The following COL25A1 variants were observed in gnomAD, a reference collection of about 807,000 sequenced individuals.
COL25A1 encodes collagen type XXV alpha 1 chain.
In COL25A1, 103 loss-of-function variants were observed where a neutral mutation model predicts 128.4. That is an observed-to-expected ratio of 0.80 (90% CI 0.68 to 0.94). The LOEUF (loss-of-function observed/expected upper bound fraction) is 0.94, where lower values mean the gene tolerates loss of function less well. Ranked by LOEUF, COL25A1 falls within the 40% of genes least tolerant of loss-of-function variation. COL25A1 has a pLI of 0.00. For synonymous variants in COL25A1, 279 were observed against 277.2 expected, an observed-to-expected ratio of 1.01 and a Z score of -0.06; for missense variants, 745 against 840.0, an observed-to-expected ratio of 0.89 and a Z score of 1.40.
At position 109,167,910 on chromosome 4, in the gene COL25A1, G is replaced by A. The variant is rs577766657; in HGVS notation, c.368-117731C>T. Among the ~76,000 whole-genome samples the A allele has an allele frequency of 3.9e-4, 60 of 152,186 alleles. No individual in the cohort carries two copies. In the Middle Eastern group the frequency reaches 0.014, roughly 35 times the overall value. Reference sequence around the variant, plus strand: ...AGGTGGGCCAATTAATGATTTCATGGAACTAGAGAAACAATTTTGTCAAAA... The same window carrying A: ...AGGTGGGCCAATTAATGATTTCATGAAACTAGAGAAACAATTTTGTCAAAA... On this transcript the variant is annotated intron_variant, in intron 3 of 37. Coordinates refer to ENST00000399132, the MANE Select transcript of COL25A1 (RefSeq NM_198721.4).
chr4:109,024,991 C>T (rs903798189), intron 5 of COL25A1, among the ~76,000 whole-genome samples: 2 of 152,176 alleles, frequency 1.3e-5, no homozygotes, highest in African/African-American at 4.8e-5. Context: ...CTGGGGATCC[C>T]TGCTAGGCAT....
chr4:109,087,137 G>A (rs1221885748), intron 3 of COL25A1, among the ~76,000 whole-genome samples: 2 of 152,050 alleles, frequency 1.3e-5, no homozygotes, highest in Non-Finnish European at 1.5e-5. Context: ...CAAGAAGATA[G>A]GAGAGAAGCA....
At chr4:109,141,401 T>TAAAAAAAAGACAAAA (rs1491259799) in intron 3 of COL25A1, among the ~76,000 whole-genome samples, 235 of 152,288 alleles carry the variant, frequency 1.5e-3, no homozygotes, top group African/African-American at 5.3e-3. Context: ...TTCCTTTTTT[T>TAAAAAAAAGACAAAA]GTGTGTGTCT....
intron 6 of COL25A1, among the ~76,000 whole-genome samples, chr4:108,977,632 C>A (rs549715181): frequency 6.6e-6 from 1 of 152,106 alleles, no homozygotes; most frequent in South Asian, 2.1e-4. Flanking sequence ...AACTTTATTT[C>A]GATTTTTACA....
intron 3 of COL25A1, among the ~76,000 whole-genome samples, chr4:109,058,831 C>T (rs1268032404): frequency 2.0e-5 from 3 of 152,132 alleles, no homozygotes; most frequent in Non-Finnish European, 4.4e-5. Flanking sequence ...AAAATTTCCA[C>T]CCAGTAGTAA....
intron 3 of COL25A1, among the ~76,000 whole-genome samples, chr4:109,113,934 A>T (rs1767279307): frequency 6.6e-6 from 1 of 152,142 alleles, no homozygotes; most frequent in Non-Finnish European, 1.5e-5. Flanking sequence ...AGATGAAAAA[A>T]CAAATCTTAA....
chr4:109,253,945 G>T (rs1001959375), intron 3 of COL25A1, among the ~76,000 whole-genome samples: 1 of 151,942 alleles, frequency 6.6e-6, no homozygotes, highest in Non-Finnish European at 1.5e-5. Context: ...AAATTATCCC[G>T]GTGCGGTGGC....
At chr4:109,192,213 A>C (rs1261404116) in intron 3 of COL25A1, among the ~76,000 whole-genome samples, 1 of 152,234 alleles carries the variant, frequency 6.6e-6, no homozygotes, top group East Asian at 1.9e-4. Context: ...ATGACCATAT[A>C]TGTTAAGCTA....
chr4:108,910,388 A>G (rs1157547464), intron 13 of COL25A1, among the ~76,000 whole-genome samples: 1 of 152,232 alleles, frequency 6.6e-6, no homozygotes, highest in Non-Finnish European at 1.5e-5. Context: ...TAATGCCTCC[A>G]ATTCAAAGAG....
intron 37 of COL25A1, among the ~76,000 whole-genome samples, chr4:108,815,406 G>A (rs557588799): frequency 6.6e-5 from 10 of 152,232 alleles, no homozygotes; most frequent in Admixed American, 5.9e-4. Context: ...ACTATTCAAT[G>A]TAACAGCTAA....
chr4:109,126,984 T>C (rs576936073), intron 3 of COL25A1, among the ~76,000 whole-genome samples: 3 of 152,282 alleles, frequency 2.0e-5, no homozygotes, highest in South Asian at 2.1e-4. Flanking sequence ...TCCTAACTTA[T>C]GTTTTTCATT....
rs776941019 is a variant in COL25A1, at chr4:109,057,421, A to ATTTTTTTTTTTTTTT, written c.368-7257_368-7243dup. Among the ~76,000 whole-genome samples the ATTTTTTTTTTTTTTT allele has an allele frequency of 6.0e-3, 122 of 20,248 alleles. 11 individuals are homozygous for ATTTTTTTTTTTTTTT. Among genetic ancestry groups the ATTTTTTTTTTTTTTT allele is most frequent in the South Asian group, 0.018 (2 of 114 alleles). 13.3% of individuals were successfully genotyped at this position (20,248 alleles called of 152,430 possible). ...TAGCTGGGACCACCATGCCTAGCTA[A>ATTTTTTTTTTTTTTT]TTTTTTTTTTTTTTTTTTTTTTTTT... On this transcript the variant is annotated intron_variant, in intron 3 of 37. Coordinates refer to ENST00000399132, the MANE Select transcript of COL25A1 (RefSeq NM_198721.4).
At chr4:109,238,983 G>A (rs970383161) in intron 3 of COL25A1, among the ~76,000 whole-genome samples, 6 of 151,998 alleles carry the variant, frequency 3.9e-5, no homozygotes, top group African/African-American at 9.7e-5. Flanking sequence ...TCATCAACCC[G>A]AGGGGAACCC....
chr4:109,260,128 C>CAGT (rs1781341097), intron 3 of COL25A1, among the ~76,000 whole-genome samples: 1 of 152,160 alleles, frequency 6.6e-6, no homozygotes, highest in African/African-American at 2.4e-5. Context: ...ACAAAGCTGC[C>CAGT]TCCATTTTCT....
chr4:109,107,961 T>C (rs1579389299), intron 3 of COL25A1, among the ~76,000 whole-genome samples: 1 of 152,210 alleles, frequency 6.6e-6, no homozygotes, highest in South Asian at 2.1e-4. Context: ...TTTCCATTCA[T>C]TTTCTTTTCA....
At chr4:109,261,649 C>T (rs893912850) in intron 3 of COL25A1, among the ~76,000 whole-genome samples, 12 of 151,898 alleles carry the variant, frequency 7.9e-5, no homozygotes, top group African/African-American at 2.7e-4. Flanking sequence ...TTGACTTACA[C>T]GGGTAATAAT....
At chr4:109,253,863 G>A (rs529841466) in intron 3 of COL25A1, among the ~76,000 whole-genome samples, 73 of 152,156 alleles carry the variant, frequency 4.8e-4, no homozygotes, top group African/African-American at 1.5e-3. Context: ...CAAGGCGGGC[G>A]GATCACGAGG....
At chr4:109,119,719 A>G (rs1418719252) in intron 3 of COL25A1, among the ~76,000 whole-genome samples, 1 of 152,094 alleles carries the variant, frequency 6.6e-6, no homozygotes, top group Non-Finnish European at 1.5e-5. Context: ...GAGAAAGTAT[A>G]TCAATTCTCT....
chr4:109,228,585 G>A (rs1560901066), intron 3 of COL25A1, among the ~76,000 whole-genome samples: 3 of 152,150 alleles, frequency 2.0e-5, no homozygotes, highest in South Asian at 2.1e-4. Context: ...ATCCTTAGAC[G>A]TTTTAATCTG....
Sources: gnomAD v4.1 joint callset for allele counts (sites outside exome capture counted in the v4.1 genomes callset) on GRCh38, gnomAD v4.1.1 for gene constraint, MANE v1.5 for transcripts, NCBI Gene and HGNC (gene_info 2026-07-23, HGNC 2026-07-21) for gene names.